GRIK2: variants seen among roughly 807,000 people sequenced by gnomAD.
GRIK2 encodes the protein glutamate ionotropic receptor kainate type subunit 2.
A neutral mutation model predicts 100.3 loss-of-function variants in GRIK2; 32 were observed. The observed-to-expected ratio is 0.32, with a 90% CI of 0.24 to 0.43. The LOEUF (loss-of-function observed/expected upper bound fraction) is 0.43, where lower values mean the gene tolerates loss of function less well. GRIK2 is among the 20% of genes least tolerant of loss of function. GRIK2 has a pLI of 1.00. For synonymous variants in GRIK2, 417 were observed against 389.4 expected (o/e 1.07, Z -0.83); for missense variants, 843 against 1,114.9 (o/e 0.76, Z 3.47).
chr6:101,673,332 G>T (rs1338672496), intron 4 of GRIK2, among the ~76,000 whole-genome samples: 2 of 152,110 alleles, frequency 1.3e-5, no homozygotes, highest in Non-Finnish European at 2.9e-5. Flanking sequence ...TAGCCAGCAT[G>T]GGTTTTATTA....
chr6:101,778,404 T>C (rs1326995376), intron 7 of GRIK2, among the ~76,000 whole-genome samples: 1 of 152,200 alleles, frequency 6.6e-6, no homozygotes, highest in Non-Finnish European at 1.5e-5. Context: ...TAAGAGTAAT[T>C]ATATTTAGAT....
At chr6:101,658,847 T>A (rs1429183499) in intron 4 of GRIK2, among the ~76,000 whole-genome samples, 1 of 152,208 alleles carries the variant, frequency 6.6e-6, no homozygotes, top group African/African-American at 2.4e-5. Flanking sequence ...TCTGTTCATA[T>A]CCTTTGCCCA....
At chr6:101,651,784 G>A (rs1488410938) in intron 4 of GRIK2, among the ~76,000 whole-genome samples, 1 of 152,140 alleles carries the variant, frequency 6.6e-6, no homozygotes, top group Non-Finnish European at 1.5e-5. Flanking sequence ...GATGGAGTAG[G>A]CAGTTGGATA....
chr6:101,926,579 CTA>C (rs1321359721), intron 13 of GRIK2, among the ~76,000 whole-genome samples: 1 of 152,110 alleles, frequency 6.6e-6, no homozygotes, highest in Non-Finnish European at 1.5e-5. Flanking sequence ...AGGTAAAACT[CTA>C]TGTTATTATC....
At chr6:101,789,744 A>G (rs540086062) in intron 7 of GRIK2, among the ~76,000 whole-genome samples, 3 of 152,312 alleles carry the variant, frequency 2.0e-5, no homozygotes, top group Admixed American at 1.3e-4. Flanking sequence ...TCTGTGAAGA[A>G]AGTCATTGGT....
At chr6:101,494,054 T>G (rs974309313) in intron 2 of GRIK2, among the ~76,000 whole-genome samples, 13 of 146,154 alleles carry the variant, frequency 8.9e-5, no homozygotes, top group Non-Finnish European at 1.5e-4. Context: ...AAAATATATA[T>G]GATATTTTTA....
At chr6:101,501,022 C>T (rs1189045991) in intron 2 of GRIK2, among the ~76,000 whole-genome samples, 1 of 151,962 alleles carries the variant, frequency 6.6e-6, no homozygotes, top group East Asian at 1.9e-4. Flanking sequence ...TGGGGATTAC[C>T]ACATATCTTG....
Position 101,524,718 on chromosome 6 carries a change from GTT to G in GRIK2, c.116-97216_116-97215del, listed in dbSNP as rs11339091. Among the ~76,000 whole-genome samples, 782 of 134,266 alleles carry G rather than the reference GTT, an allele frequency of 5.8e-3. 4 individuals are homozygous for G. Among genetic ancestry groups the G allele is most frequent in the African/African-American group, 8.3e-3 (293 of 35,368 alleles). The allele number at this position is 134,266 out of a possible 152,430, so 88.1% of individuals were successfully genotyped here. On this transcript the variant is annotated intron_variant, in intron 2 of 16. Coordinates refer to ENST00000369134, the MANE Select transcript of GRIK2 (RefSeq NM_021956.5). ...AAAGAAACTTAAGACTTGCATGTTC[GTT>G]TTTTTTTTTTTTTTCTTCTTTTTTC...
chr6:101,731,209 C>T (rs141149356), intron 7 of GRIK2, among the ~76,000 whole-genome samples: 1 of 151,968 alleles, frequency 6.6e-6, no homozygotes, highest in East Asian at 1.9e-4. Flanking sequence ...ACAATTCCAC[C>T]CTAACCCAGT....
At chr6:101,792,666 A>G (rs373939806) in intron 7 of GRIK2, among the ~76,000 whole-genome samples, 15 of 152,148 alleles carry the variant, frequency 9.9e-5, no homozygotes, top group Non-Finnish European at 1.6e-4. Context: ...CAACTTTGGT[A>G]AATCTGACAA....
At chr6:101,973,899 T>TCTTACAAGTGC (rs1793211440) in intron 14 of GRIK2, among the ~76,000 whole-genome samples, 1 of 151,838 alleles carries the variant, frequency 6.6e-6, no homozygotes, top group Non-Finnish European at 1.5e-5. Flanking sequence ...TCTGGAGAGG[T>TCTTACAAGTGC]CTTACAAGTG....
chr6:101,817,388 T>C (rs575164053), intron 9 of GRIK2, among the ~76,000 whole-genome samples: 1 of 152,348 alleles, frequency 6.6e-6, no homozygotes, highest in South Asian at 2.1e-4. Flanking sequence ...GATAATTTGA[T>C]AGTTTTCCTT....
rs538853812 is a variant in GRIK2, at chr6:101,931,177, A to G, written c.2085+2545A>G. Among the ~76,000 whole-genome samples the G allele has an allele frequency of 5.3e-5, 8 of 152,256 alleles. No individual in the cohort carries two copies. The South Asian group carries it at 1.7e-3, about 32-fold the overall frequency. On this transcript the variant is annotated intron_variant, in intron 14 of 16. Transcript: ENST00000369134. ...TTTTAAGTGTATAGTTATTCCAGCT[A>G]TGGTAAGAAATTTAAAAAAAATTCT...
chr6:101,401,933 T>G (rs1208352424), intron 2 of GRIK2, among the ~76,000 whole-genome samples: 1 of 152,074 alleles, frequency 6.6e-6, no homozygotes, highest in Non-Finnish European at 1.5e-5. Context: ...ACCCTTGGCG[T>G]GGCTAGGCGC....
At chr6:101,550,429 AG>A (rs1776451649) in intron 2 of GRIK2, among the ~76,000 whole-genome samples, 1 of 152,188 alleles carries the variant, frequency 6.6e-6, no homozygotes, top group Admixed American at 6.5e-5. Context: ...TCCATCATTT[AG>A]TTTGCTTAAT....
chr6:101,934,258 A>G (rs186749366), intron 14 of GRIK2, among the ~76,000 whole-genome samples: 23 of 152,018 alleles, frequency 1.5e-4, no homozygotes, highest in African/African-American at 5.5e-4. Context: ...GTTACTCAAA[A>G]GAGCTAAGTG....
At chr6:101,815,047 G>T (rs980809391) in intron 9 of GRIK2, among the ~76,000 whole-genome samples, 3 of 152,208 alleles carry the variant, frequency 2.0e-5, no homozygotes, top group African/African-American at 7.2e-5. Flanking sequence ...GTGACACAAA[G>T]AAATAATGTA....
chr6:101,458,726 T>A (rs1441742457), intron 2 of GRIK2, among the ~76,000 whole-genome samples: 1 of 152,180 alleles, frequency 6.6e-6, no homozygotes, highest in Non-Finnish European at 1.5e-5. Flanking sequence ...AGGGGGTACA[T>A]TGGCCAATTC....
chr6:101,943,038 T>TG (rs1791053843), intron 14 of GRIK2, among the ~76,000 whole-genome samples: 1 of 152,180 alleles, frequency 6.6e-6, no homozygotes, highest in South Asian at 2.1e-4. Context: ...AATGGATTCA[T>TG]GGGCCAGGTC....
Sources: allele counts gnomAD v4.1 joint callset (sites outside exome capture counted in the v4.1 genomes callset), GRCh38; gene constraint gnomAD v4.1.1; transcripts MANE v1.5; gene names NCBI Gene and HGNC (gene_info 2026-07-23, HGNC 2026-07-21).